PCLO: variants seen among roughly 807,000 people sequenced by gnomAD.
The protein encoded by PCLO is piccolo presynaptic cytomatrix protein.
A neutral mutation model predicts 427.5 loss-of-function variants in PCLO; 82 were observed. The ratio of observed to expected loss-of-function variants is 0.19; its 90% CI spans 0.16 to 0.23. The LOEUF (loss-of-function observed/expected upper bound fraction) is 0.23. Ranked by LOEUF, PCLO falls within the 10% of genes least tolerant of loss-of-function variation. PCLO has a pLI of 1.00. For synonymous variants in PCLO, 2,357 were observed against 2,155.4 expected (o/e 1.09, Z -2.59); for missense variants, 6,239 against 6,115.9 (o/e 1.02, Z -0.67).
At chr7:83,116,747 T>C (rs1791144128) in intron 3 of PCLO, among the ~76,000 whole-genome samples, 1 of 152,272 alleles carries the variant, frequency 6.6e-6, no homozygotes, top group African/African-American at 2.4e-5. Context: ...TCCTTCTAAC[T>C]GAAATTTTGT....
rs763246635 is a variant in PCLO at position 82,954,880 on chromosome 7, G to A, written c.6073C>T (p.Pro2025Ser). The A allele has an allele frequency of 6.2e-7, 1 of 1,613,768 alleles. No homozygotes were observed. Among genetic ancestry groups the A allele is most frequent in the South Asian group, 1.1e-5 (1 of 91,068 alleles). ...YELESLHSVV[P>S]QEDIVSSSFI... ...GAGCTTGAAACAATATCTTCCTGAGGCACAACAGAATGTAAGCTTTCTAAC... is the reference window on the plus strand; with the variant it reads ...GAGCTTGAAACAATATCTTCCTGAGACACAACAGAATGTAAGCTTTCTAAC... The change falls in exon 5 of 25, where the codon CCT becomes TCT. Residue 2025 changes from proline to serine, a missense_variant. Pro to Ser is a moderately conservative substitution (Grantham distance 74). Transcript: ENST00000333891.
chr7:82,821,351 C>G (rs1399588018), intron 20 of PCLO: 2 of 985,792 alleles, frequency 2.0e-6, no homozygotes, highest in Admixed American at 1.2e-4. Context: ...ATGGAACCAG[C>G]TTAAATGTTA....
intron 10 of PCLO, among the ~76,000 whole-genome samples, chr7:82,858,532 C>G (rs1005388023): frequency 6.6e-6 from 1 of 151,964 alleles, no homozygotes; most frequent in African/African-American, 2.4e-5. Flanking sequence ...GCAGATGACA[C>G]GATGTTATAT....
At chr7:82,788,501 A>G (rs1791032640) in intron 22 of PCLO, among the ~76,000 whole-genome samples, 1 of 152,032 alleles carries the variant, frequency 6.6e-6, no homozygotes, top group Admixed American at 6.6e-5. Flanking sequence ...AAGTCTTCCC[A>G]AAATAGAATT....
At chr7:82,943,469 A>G (rs1795130350) in intron 6 of PCLO, among the ~76,000 whole-genome samples, 1 of 152,224 alleles carries the variant, frequency 6.6e-6, no homozygotes, top group African/African-American at 2.4e-5. Context: ...TTTTTTTGAT[A>G]GAAAAATCAC....
intron 3 of PCLO, among the ~76,000 whole-genome samples, chr7:82,999,015 A>T (rs1443075759): frequency 6.7e-6 from 1 of 150,248 alleles, no homozygotes; most frequent in South Asian, 2.1e-4. Flanking sequence ...TGTTAGGGAT[A>T]AAAAAAACAC....
Position 83,134,934 on chromosome 7 carries a change from T to C in PCLO, c.2616A>G (p.Pro872=), listed in dbSNP as rs1232739778. ...GGCCAGGGGGTGTTGGTGACCCTTT[T>C]GGCATTGGCTTGGCATCTGGTTTAG... The part of the protein sequence containing the change: ...MSPKPDAKPM[P]KGSPTPPGPR... The change falls in exon 3 of 25, where the codon CCA becomes CCG. Residue 872 remains proline (P), a synonymous_variant. Coordinates refer to ENST00000333891, the MANE Select transcript of PCLO (RefSeq NM_033026.6). The C allele has an allele frequency of 3.7e-6, 6 of 1,606,758 alleles. No individual in the cohort carries two copies. Among genetic ancestry groups the C allele is most frequent in the Admixed American group, 1.7e-5 (1 of 59,150 alleles).
In PCLO at chr7:82,757,145, T is replaced by G. The variant is rs1231742142; in HGVS notation, c.*1430A>C. 6.6e-6 allele frequency: 1 copy of G among 152,042 alleles called. No homozygotes were observed. The highest frequency in any genetic ancestry group is 1.5e-5 in the Non-Finnish European group (1 of 67,964). 9.4% of individuals were successfully genotyped at this position (152,042 alleles called of 1,614,324 possible). A position where few individuals can be genotyped will look rare whatever the true frequency, so the allele number is the denominator to read the frequency against. The stretch of plus-strand genomic sequence containing the variant: ...AAAACTGGGGTAAAGTGAGTGTAAG[T>G]GACATGTGCAAAGTGACACAGTCAG... On this transcript the variant is annotated 3_prime_UTR_variant, in exon 25 of 25. Coordinates refer to ENST00000333891, the MANE Select transcript of PCLO (RefSeq NM_033026.6).
intron 8 of PCLO, among the ~76,000 whole-genome samples, chr7:82,905,928 A>T (rs890810730): frequency 3.3e-5 from 5 of 151,960 alleles, no homozygotes; most frequent in Admixed American, 6.6e-5. Context: ...AAGTAAAATT[A>T]AAAAATAAGA....
chr7:82,953,964 C>T lies in PCLO; in HGVS notation c.6989G>A (p.Arg2330Gln), dbSNP rs17148149. The T allele has an allele frequency of 0.014, 22,720 of 1,613,688 alleles. 2,673 individuals are homozygous for T. The African/African-American group carries it at 0.26, about 18-fold the overall frequency. The change falls in exon 5 of 25, where the codon CGA becomes CAA. Residue 2330 changes from arginine (R) to glutamine (Q), a missense_variant. Around this residue, in one of 5 missense-constraint regions of PCLO, gnomAD observed 4,677 missense variants for 4,468.4 expected, o/e 1.05. Coordinates refer to ENST00000333891, the MANE Select transcript of PCLO (RefSeq NM_033026.6). ...YRDKKELEAERTKSSLSETVF... is the reference protein window; with the variant it reads ...YRDKKELEAEQTKSSLSETVF... The stretch of plus-strand genomic sequence containing the variant: ...GGTTTCGGATAAGCTACTTTTTGTT[C>T]GTTCGGCCTCCAACTCCTTTTTATC...
At chr7:83,048,629 G>A (rs570073139) in intron 3 of PCLO, among the ~76,000 whole-genome samples, 2 of 152,282 alleles carry the variant, frequency 1.3e-5, no homozygotes, top group South Asian at 2.1e-4. Flanking sequence ...TAAAAAGAAA[G>A]CAGTATTCCC....
intron 3 of PCLO, among the ~76,000 whole-genome samples, chr7:83,040,152 T>C (rs1788936285): frequency 6.6e-6 from 1 of 152,158 alleles, no homozygotes; most frequent in African/African-American, 2.4e-5. Context: ...TTGTTAGAAT[T>C]TGTACATTTT....
chr7:83,112,992 A>C (rs181757076), intron 3 of PCLO, among the ~76,000 whole-genome samples: 9 of 152,286 alleles, frequency 5.9e-5, no homozygotes, highest in Admixed American at 5.2e-4. Context: ...AAAAATGATA[A>C]TTTTTATCTT....
chr7:83,093,082 T>C (rs1790422682), intron 3 of PCLO, among the ~76,000 whole-genome samples: 1 of 151,990 alleles, frequency 6.6e-6, no homozygotes, highest in African/African-American at 2.4e-5. Flanking sequence ...ATTCACTCCC[T>C]AGAAAACGCT....
In PCLO at chr7:82,951,312, TGAA is replaced by T; in HGVS notation, c.9273_9275del (p.Ser3092del). The T allele has an allele frequency of 6.2e-7, 1 of 1,612,600 alleles. No individual in the cohort carries two copies. The highest frequency in any genetic ancestry group is 8.5e-7 in the Non-Finnish European group (1 of 1,179,292). On this transcript the variant is annotated inframe_deletion, in exon 6 of 25. Transcript: ENST00000333891. ...ATGTAGAGGGTGTTGGAGTTGCTAC[TGAA>T]GAATAGACAACACCATTAGATGACC... is the stretch of plus-strand genomic sequence containing the variant.
At chr7:82,997,666 C>G (rs1787662188) in intron 3 of PCLO, among the ~76,000 whole-genome samples, 2 of 151,854 alleles carry the variant, frequency 1.3e-5, no homozygotes, top group African/African-American at 4.8e-5. Flanking sequence ...GATGCCTCAC[C>G]CTCGTATCAG....
intron 3 of PCLO, among the ~76,000 whole-genome samples, chr7:82,979,285 G>C (rs6962600): frequency 6.6e-6 from 1 of 151,956 alleles, no homozygotes; most frequent in Non-Finnish European, 1.5e-5. Context: ...AATTTGAAAC[G>C]ATCATGGAAA....
Position 82,778,607 on chromosome 7 carries a change from A to G in PCLO, c.15008-17114T>C, listed in dbSNP as rs540165102. On this transcript the variant is annotated intron_variant, in intron 22 of 24. Coordinates refer to ENST00000333891, the MANE Select transcript of PCLO (RefSeq NM_033026.6). The stretch of plus-strand genomic sequence containing the variant: ...TCAGATAGATATTTATTTTCTTCTG[A>G]AAGTTTTAGAGTGTTACTTTTTATT... 7.8e-4 allele frequency among the ~76,000 whole-genome samples: 119 copies of G among 152,212 alleles called. 6 individuals carry two copies. The South Asian group carries it at 0.024, about 31-fold the overall frequency.
chr7:82,880,412 C>T, intron 9 of PCLO: 1 of 410,272 alleles, frequency 2.4e-6, no homozygotes, highest in Non-Finnish European at 5.0e-6. Flanking sequence ...TAGCTCTATT[C>T]TTTTTATCTT....
Sources: gnomAD v4.1 joint callset for allele counts (sites outside exome capture counted in the v4.1 genomes callset) on GRCh38, gnomAD v4.1.1 for gene constraint, gnomAD v4.1.1 regional missense constraint, MANE v1.5 for transcripts, NCBI Gene and HGNC (gene_info 2026-07-23, HGNC 2026-07-21) for gene names.